TAFA4: variants seen among roughly 807,000 people sequenced by gnomAD.
TAFA4 encodes the protein TAFA chemokine like family member 4.
A neutral mutation model predicts 21.1 loss-of-function variants in TAFA4; 20 were observed. The observed-to-expected ratio is 0.95, with a 90% CI of 0.67 to 1.38. TAFA4 has a LOEUF of 1.38. TAFA4 is among the 40% of genes most tolerant of loss of function. The pLI, the probability that TAFA4 is intolerant of heterozygous loss-of-function variation, is 0.00. For synonymous variants in TAFA4, 71 were observed against 67.4 expected (o/e 1.05, Z -0.26); for missense variants, 211 against 180.9 (o/e 1.17, Z -0.95).
At chr3:68,870,114 T>A (rs2089466062) in intron 3 of TAFA4, among the ~76,000 whole-genome samples, 2 of 152,116 alleles carry the variant, frequency 1.3e-5, no homozygotes, top group South Asian at 4.1e-4. Context: ...ACACAAGGAA[T>A]ATAAAATACC....
chr3:68,902,119 A>G (rs749998669), intron 1 of TAFA4, among the ~76,000 whole-genome samples: 1 of 152,162 alleles, frequency 6.6e-6, no homozygotes, highest in Non-Finnish European at 1.5e-5. Context: ...ATGTACTTTG[A>G]GGCAGTTGCT....
intron 3 of TAFA4, among the ~76,000 whole-genome samples, chr3:68,843,098 A>G (rs1193921476): frequency 6.6e-6 from 1 of 152,164 alleles, no homozygotes; most frequent in Non-Finnish European, 1.5e-5. Context: ...TGTTGGGGAT[A>G]GCGTTGAATC....
At chr3:68,883,631 G>C (rs951724324) in intron 2 of TAFA4, among the ~76,000 whole-genome samples, 5 of 152,182 alleles carry the variant, frequency 3.3e-5, no homozygotes, top group African/African-American at 7.2e-5. Flanking sequence ...CAAAGAGAAA[G>C]AGTTTAACTT....
intron 1 of TAFA4, among the ~76,000 whole-genome samples, chr3:68,906,872 A>G (rs1195582398): frequency 2.6e-5 from 4 of 151,840 alleles, no homozygotes; most frequent in Admixed American, 6.6e-5. Flanking sequence ...TCTTCCAAAA[A>G]TACAAAATAT....
intron 3 of TAFA4, among the ~76,000 whole-genome samples, chr3:68,823,827 G>A (rs2171869): frequency 0.14 from 20,915 of 152,080 alleles, 2,087 homozygotes; most frequent in African/African-American, 0.29. Context: ...ATGATAGACC[G>A]TATAAGGAAA....
intron 3 of TAFA4, among the ~76,000 whole-genome samples, chr3:68,848,332 T>C (rs1420743042): frequency 1.3e-5 from 2 of 152,214 alleles, no homozygotes; most frequent in African/African-American, 4.8e-5. Flanking sequence ...TGAGAGACAA[T>C]GAATCAGAGA....
At chr3:68,827,828 G>A (rs563013707) in intron 3 of TAFA4, among the ~76,000 whole-genome samples, 48 of 152,246 alleles carry the variant, frequency 3.2e-4, no homozygotes, top group African/African-American at 9.9e-4. Context: ...CCATTCTGTA[G>A]GTTGCCTGTT....
intron 3 of TAFA4, among the ~76,000 whole-genome samples, chr3:68,769,960 A>G (rs1234369415): frequency 6.6e-6 from 1 of 152,158 alleles, no homozygotes; most frequent in Non-Finnish European, 1.5e-5. Context: ...ACAGAAAACA[A>G]CTGCCGTGTA....
intron 1 of TAFA4, among the ~76,000 whole-genome samples, chr3:68,921,163 G>C (rs1351884912): frequency 6.6e-6 from 1 of 152,066 alleles, no homozygotes; most frequent in Non-Finnish European, 1.5e-5. Flanking sequence ...ACACCCTGCT[G>C]CCCGCAAGAG....
chr3:68,912,680 G>A (rs938109533), intron 1 of TAFA4, among the ~76,000 whole-genome samples: 6 of 152,192 alleles, frequency 3.9e-5, no homozygotes, highest in African/African-American at 1.4e-4. Context: ...GCTGGCTCCT[G>A]TTCAAGTGCT....
intron 3 of TAFA4, among the ~76,000 whole-genome samples, chr3:68,762,864 C>A (rs1702781332): frequency 6.6e-6 from 1 of 152,170 alleles, no homozygotes; most frequent in Non-Finnish European, 1.5e-5. Flanking sequence ...CATGGCAAAA[C>A]CCGTCCCTGC....
intron 2 of TAFA4, chr3:68,883,054 A>ACC (rs2089634879): frequency 6.6e-6 from 1 of 152,254 alleles, no homozygotes; most frequent in Admixed American, 6.5e-5. Context: ...AGCAGTTTGA[A>ACC]ACAACACCGA....
chr3:68,819,242 C>T (rs1310484948), intron 3 of TAFA4, among the ~76,000 whole-genome samples: 1 of 145,672 alleles, frequency 6.9e-6, no homozygotes, highest in African/African-American at 2.5e-5. Context: ...TGCACACCTG[C>T]CTGGGTGACA....
chr3:68,749,352 C>T (rs1021191436), intron 4 of TAFA4, among the ~76,000 whole-genome samples: 2 of 151,412 alleles, frequency 1.3e-5, no homozygotes, highest in South Asian at 2.1e-4. Context: ...CCCATGCCAA[C>T]ATCTTCTTGC....
intron 3 of TAFA4, among the ~76,000 whole-genome samples, chr3:68,755,029 G>A (rs1702633632): frequency 6.6e-6 from 1 of 152,102 alleles, no homozygotes; most frequent in South Asian, 2.1e-4. Flanking sequence ...CAATGTGTAG[G>A]TTTACTCATC....
intron 3 of TAFA4, among the ~76,000 whole-genome samples, chr3:68,758,795 A>G (rs1034907456): frequency 3.9e-5 from 6 of 152,248 alleles, no homozygotes; most frequent in Admixed American, 3.9e-4. Flanking sequence ...TGGCGCATAG[A>G]AATTGCTGCT....
At chr3:68,899,181 T>G (rs543430152) in intron 1 of TAFA4, among the ~76,000 whole-genome samples, 2 of 152,260 alleles carry the variant, frequency 1.3e-5, no homozygotes, top group Admixed American at 1.3e-4. Context: ...CAAAGAAAAT[T>G]TAGCATCCAA....
At position 68,880,749 on chromosome 3, in the gene TAFA4, C is replaced by A. The variant is rs766313661; in HGVS notation, c.111G>T (p.Gln37His). The stretch of plus-strand genomic sequence containing the variant: ...GCTTACCTGCATGTCCCCGGAGGTG[C>A]TGGCTTGAGGCGGACATCAGCTTAC... ...VCCKLMSASS[Q>H]HLRGHAGHHQ... The change falls in exon 3 of 6, where the codon CAG (glutamine) becomes CAT (histidine). Residue 37 changes from glutamine to histidine, a missense_variant. Gln to His is a conservative substitution (Grantham distance 24, BLOSUM62 0). Coordinates refer to ENST00000295569, the MANE Select transcript of TAFA4 (RefSeq NM_182522.5). 1.2e-6 allele frequency: 2 copies of A among 1,613,994 alleles called. No homozygotes were observed. The highest frequency in any genetic ancestry group is 3.3e-5 in the Admixed American group (2 of 60,016).
chr3:68,828,552 T>A (rs906388336), intron 3 of TAFA4, among the ~76,000 whole-genome samples: 6 of 152,184 alleles, frequency 3.9e-5, no homozygotes, highest in Non-Finnish European at 8.8e-5. Context: ...TTTTATTTCA[T>A]TGAGCAATGG....
Sources: allele counts gnomAD v4.1 joint callset (sites outside exome capture counted in the v4.1 genomes callset), GRCh38; gene constraint gnomAD v4.1.1; transcripts MANE v1.5; gene names NCBI Gene and HGNC (gene_info 2026-07-23, HGNC 2026-07-21).